The following CNTNAP5 variants were observed in gnomAD, a reference collection of about 807,000 sequenced individuals.
The protein encoded by CNTNAP5 is contactin-associated protein-like 5.
In CNTNAP5, 72 loss-of-function variants were observed where a neutral mutation model predicts 150.2. That is an observed-to-expected ratio of 0.48 (90% CI 0.40 to 0.58). CNTNAP5 has a LOEUF of 0.58. Ranked by LOEUF, CNTNAP5 falls within the 20% of genes least tolerant of loss-of-function variation. CNTNAP5 has a pLI of 0.00. For synonymous variants in CNTNAP5, 672 were observed against 619.8 expected (o/e 1.08, Z -1.25); for missense variants, 1,636 against 1,626.2 (o/e 1.01, Z -0.10).
chr2:124,401,684 G>A (rs956801579), intron 3 of CNTNAP5, among the ~76,000 whole-genome samples: 3 of 152,164 alleles, frequency 2.0e-5, no homozygotes, highest in South Asian at 2.1e-4. Context: ...TTGTACTTAC[G>A]TTATTGATGG....
chr2:124,654,277 G>A (rs1440341430), intron 13 of CNTNAP5, among the ~76,000 whole-genome samples: 2 of 152,176 alleles, frequency 1.3e-5, no homozygotes, highest in African/African-American at 4.8e-5. Flanking sequence ...AAGATTTTAA[G>A]CAGAGGATTC....
chr2:124,198,893 ATTC>A (rs1462242168), intron 1 of CNTNAP5, among the ~76,000 whole-genome samples: 2 of 147,654 alleles, frequency 1.4e-5, no homozygotes, highest in Non-Finnish European at 3.0e-5. Context: ...TTAACTGTAA[ATTC>A]TATTCCTTTC....
chr2:124,112,487 TCA>T (rs1353526456), intron 1 of CNTNAP5, among the ~76,000 whole-genome samples: 1 of 152,204 alleles, frequency 6.6e-6, no homozygotes, highest in African/African-American at 2.4e-5. Context: ...TATAGGCTTC[TCA>T]CACAGTTAGA....
chr2:124,895,787 T>A (rs1678291646), intron 21 of CNTNAP5, among the ~76,000 whole-genome samples: 1 of 151,424 alleles, frequency 6.6e-6, no homozygotes, highest in African/African-American at 2.4e-5. Context: ...AAATCAACTG[T>A]TTTTAGTGAT....
At position 124,412,597 on chromosome 2, in the gene CNTNAP5, T is replaced by C. The variant is rs1186030398; in HGVS notation, c.382-4846T>C. 2.0e-5 allele frequency among the ~76,000 whole-genome samples: 3 copies of C among 150,080 alleles called. No individual in the cohort carries two copies. In the East Asian group the frequency reaches 5.9e-4, roughly 30 times the overall value. On this transcript the variant is annotated intron_variant, in intron 3 of 23. Coordinates refer to ENST00000682447, the MANE Select transcript of CNTNAP5 (RefSeq NM_001367498.1). ...GCTGCATATCTACAACTATCTGATC[T>C]TTGACAAACCTGAGAAAAACAAGCA... is the stretch of plus-strand genomic sequence containing the variant.
chr2:124,295,315 T>C (rs1688395936), intron 3 of CNTNAP5, among the ~76,000 whole-genome samples: 1 of 152,114 alleles, frequency 6.6e-6, no homozygotes, highest in African/African-American at 2.4e-5. Flanking sequence ...GAGTCGTTTA[T>C]ATGGAATGGA....
chr2:124,829,384 T>G (rs1236595265), intron 19 of CNTNAP5, among the ~76,000 whole-genome samples: 1 of 152,198 alleles, frequency 6.6e-6, no homozygotes, highest in African/African-American at 2.4e-5. Flanking sequence ...GATCTTCATT[T>G]GTATTTGTAA....
chr2:124,502,748 CA>C (rs1694306113), intron 7 of CNTNAP5, among the ~76,000 whole-genome samples: 1 of 152,100 alleles, frequency 6.6e-6, no homozygotes, highest in Admixed American at 6.6e-5. Flanking sequence ...CAAATTAAAA[CA>C]ACTGTGAGAT....
intron 13 of CNTNAP5, among the ~76,000 whole-genome samples, chr2:124,730,208 A>G (rs1016494808): frequency 2.0e-5 from 3 of 152,048 alleles, no homozygotes; most frequent in African/African-American, 7.2e-5. Context: ...CCTGTCTTAA[A>G]TCTTAGGTAA....
chr2:124,378,342 C>T (rs1690704578), intron 3 of CNTNAP5, among the ~76,000 whole-genome samples: 1 of 151,984 alleles, frequency 6.6e-6, no homozygotes, highest in East Asian at 1.9e-4. Context: ...TTCTCTATTT[C>T]TTCCTCCACC....
At chr2:124,139,658 C>A (rs919195046) in intron 1 of CNTNAP5, among the ~76,000 whole-genome samples, 2 of 152,186 alleles carry the variant, frequency 1.3e-5, no homozygotes, top group Non-Finnish European at 2.9e-5. Context: ...TTATATCCTT[C>A]CTTCGGTCTC....
intron 3 of CNTNAP5, among the ~76,000 whole-genome samples, chr2:124,299,844 T>G (rs2901264): frequency 0.67 from 102,028 of 152,006 alleles, 34,536 homozygotes; most frequent in East Asian, 0.88. Context: ...CTGGAATGCC[T>G]GGTGTCTGAG....
intron 3 of CNTNAP5, among the ~76,000 whole-genome samples, chr2:124,327,331 C>T (rs540442724): frequency 1.3e-5 from 2 of 152,210 alleles, no homozygotes; most frequent in South Asian, 4.2e-4. Flanking sequence ...AAGAAACAAG[C>T]ATTATACAAA....
chr2:124,892,069 C>T (rs1049116427), intron 21 of CNTNAP5, among the ~76,000 whole-genome samples: 1 of 152,106 alleles, frequency 6.6e-6, no homozygotes, highest in African/African-American at 2.4e-5. Context: ...AATTCTGGGC[C>T]TCTGATGATC....
intron 3 of CNTNAP5, among the ~76,000 whole-genome samples, chr2:124,405,572 C>T (rs1691549621): frequency 3.3e-5 from 5 of 152,146 alleles, no homozygotes; most frequent in Admixed American, 3.3e-4. Context: ...GATCACTTAA[C>T]CTCTCCAAAA....
intron 12 of CNTNAP5, among the ~76,000 whole-genome samples, chr2:124,619,136 C>T (rs1677550762): frequency 6.6e-6 from 1 of 152,146 alleles, no homozygotes; most frequent in African/African-American, 2.4e-5. Context: ...GGAATGGATG[C>T]AGAGCATTTC....
In CNTNAP5 at chr2:124,505,903, C is replaced by T. The variant is rs71428149; in HGVS notation, c.1327+1347C>T. ...ATAAAAACCTCCCTCTGCTTTTCAC[C>T]GCAGGTCAACATCCATCATGGATTA... On this transcript the variant is annotated intron_variant, in intron 8 of 23. Coordinates refer to ENST00000682447, the MANE Select transcript of CNTNAP5 (RefSeq NM_001367498.1). Among the ~76,000 whole-genome samples, 659 of 152,290 alleles carry T rather than the reference C, an allele frequency of 4.3e-3. 2 individuals are homozygous for T. The highest frequency in any genetic ancestry group is 7.1e-3 in the Non-Finnish European group (484 of 68,018).
At chr2:124,619,067 G>A (rs528073274) in intron 12 of CNTNAP5, among the ~76,000 whole-genome samples, 13 of 152,152 alleles carry the variant, frequency 8.5e-5, no homozygotes, top group African/African-American at 2.4e-4. Context: ...ATGCTTAAAC[G>A]TAATATTTTG....
At chr2:124,510,313 C>CTATATATCTATATATCTATA (rs1175360881) in intron 8 of CNTNAP5, among the ~76,000 whole-genome samples, 1 of 54,280 alleles carries the variant, frequency 1.8e-5, no homozygotes, top group African/African-American at 6.7e-5. Context: ...ATATATATAT[C>CTATATATCTATATATCTATA]TATATATCTA....
Sources: allele counts gnomAD v4.1 joint callset (sites outside exome capture counted in the v4.1 genomes callset), GRCh38; gene constraint gnomAD v4.1.1; transcripts MANE v1.5; gene names NCBI Gene and HGNC (gene_info 2026-07-23, HGNC 2026-07-21).